CSMD3: variants seen among roughly 807,000 people sequenced by gnomAD.
CSMD3 encodes CUB and Sushi multiple domains 3, also known as CUB and sushi domain-containing protein 3.
CSMD3 carries 177 observed loss-of-function variants against 435.2 expected under a neutral mutation model. That is an observed-to-expected ratio of 0.41 (90% CI 0.36 to 0.46). CSMD3 has a LOEUF of 0.46. Ranked by LOEUF, CSMD3 falls within the 20% of genes least tolerant of loss-of-function variation. CSMD3 has a pLI of 0.34. For missense variants in CSMD3, 4,265 were observed against 4,504.6 expected (o/e 0.95, Z 1.52); for synonymous variants, 1,656 against 1,520.5 (o/e 1.09, Z -2.07).
At chr8:112,465,737 G>A (rs1817886710) in intron 32 of CSMD3, among the ~76,000 whole-genome samples, 1 of 152,094 alleles carries the variant, frequency 6.6e-6, no homozygotes, top group African/African-American at 2.4e-5. Flanking sequence ...CATGTTGGAA[G>A]GCCCAGGTGG....
rs531775109 is a variant in CSMD3 at position 112,395,078 on chromosome 8, G to T, written c.5810-4290C>A. Among the ~76,000 whole-genome samples the T allele has an allele frequency of 1.4e-4, 21 of 152,220 alleles. No individual in the cohort carries two copies. In the East Asian group the frequency reaches 3.7e-3, roughly 27 times the overall value. ...ATTTATTTATTTACCAACAAAATAT[G>T]CTATAGAAAAATTAGCAGATACGCA... On this transcript the variant is annotated intron_variant, in intron 35 of 70. Transcript: ENST00000297405.
At chr8:112,875,890 T>A (rs908416602) in intron 10 of CSMD3, among the ~76,000 whole-genome samples, 3 of 152,150 alleles carry the variant, frequency 2.0e-5, no homozygotes, top group Non-Finnish European at 4.4e-5. Flanking sequence ...AGGAGTTTGT[T>A]ATTGCCCACC....
At chr8:112,771,891 C>G (rs944704563) in intron 13 of CSMD3, among the ~76,000 whole-genome samples, 3 of 152,006 alleles carry the variant, frequency 2.0e-5, no homozygotes, top group African/African-American at 7.2e-5. Flanking sequence ...ATGGAAACGA[C>G]GCATTTCTGA....
In CSMD3 at chr8:112,223,842, C is replaced by T. The variant is rs995305511; in HGVS notation, c.*929G>A. On this transcript the variant is annotated 3_prime_UTR_variant, in exon 71 of 71. Coordinates refer to ENST00000297405, the MANE Select transcript of CSMD3 (RefSeq NM_198123.2). ...AGATTATTAGGACATTTTATTTGGT[C>T]GATCAAAAATATTGTAAAATAAAGG... 10 of 151,938 alleles carry T rather than the reference C, an allele frequency of 6.6e-5. No homozygotes were observed. Among genetic ancestry groups the T allele is most frequent in the East Asian group, 1.9e-4 (1 of 5,176 alleles). The allele number at this position is 151,938 out of a possible 1,614,324, so 9.4% of individuals were successfully genotyped here. A position where few individuals can be genotyped will look rare whatever the true frequency, so the allele number is the denominator to read the frequency against.
intron 13 of CSMD3, among the ~76,000 whole-genome samples, chr8:112,783,445 G>A (rs1306028929): frequency 1.1e-5 from 1 of 91,574 alleles, no homozygotes; most frequent in South Asian, 5.4e-4. Context: ...AAGGAAGGAA[G>A]GAAGGAAGGA....
At chr8:112,998,211 A>G (rs930980531) in intron 6 of CSMD3, among the ~76,000 whole-genome samples, 1 of 151,888 alleles carries the variant, frequency 6.6e-6, no homozygotes. Flanking sequence ...AATGAATATT[A>G]TTCAGTGAAC....
At chr8:112,432,223 G>T (rs571520881) in intron 32 of CSMD3, among the ~76,000 whole-genome samples, 1 of 152,258 alleles carries the variant, frequency 6.6e-6, no homozygotes, top group South Asian at 2.1e-4. Flanking sequence ...TCATGCCTAT[G>T]TCATGTTGTA....
intron 22 of CSMD3, among the ~76,000 whole-genome samples, chr8:112,606,496 A>T (rs1832804318): frequency 6.6e-6 from 1 of 152,198 alleles, no homozygotes; most frequent in African/African-American, 2.4e-5. Flanking sequence ...TCATCCAGGC[A>T]GATAATCAAC....
chr8:113,238,886 G>A (rs75701636), intron 3 of CSMD3, among the ~76,000 whole-genome samples: 4,328 of 152,102 alleles, frequency 0.028, 87 homozygotes, highest in Non-Finnish European at 0.04. Flanking sequence ...AACATGACTG[G>A]ACCATGGGAT....
chr8:112,601,775 C>T, intron 22 of CSMD3, among the ~76,000 whole-genome samples: 1 of 152,108 alleles, frequency 6.6e-6, no homozygotes, highest in South Asian at 2.1e-4. Context: ...TTTAGTTTTA[C>T]TTAGTTCAAT....
chr8:113,218,120 T>TATATA (rs1338132702), intron 3 of CSMD3, among the ~76,000 whole-genome samples: 1 of 139,494 alleles, frequency 7.2e-6, no homozygotes, highest in African/African-American at 2.7e-5. Context: ...ATATATATAT[T>TATATA]TTAATATTGG....
intron 12 of CSMD3, among the ~76,000 whole-genome samples, chr8:112,804,452 G>T (rs2079032075): frequency 6.6e-6 from 1 of 152,108 alleles, no homozygotes; most frequent in South Asian, 2.1e-4. Context: ...CATACTGCGA[G>T]AAGCCAGATG....
intron 3 of CSMD3, among the ~76,000 whole-genome samples, chr8:113,213,698 A>G (rs1258707047): frequency 3.3e-5 from 5 of 152,062 alleles, no homozygotes; most frequent in Non-Finnish European, 5.9e-5. Context: ...TAAAAAAACT[A>G]TTACAATGAT....
At chr8:112,405,503 A>G (rs2130001933) in intron 35 of CSMD3, among the ~76,000 whole-genome samples, 1 of 151,358 alleles carries the variant, frequency 6.6e-6, no homozygotes, top group South Asian at 2.1e-4. Flanking sequence ...CATTATAATT[A>G]CCCTGAAATA....
At chr8:112,810,921 G>A (rs2079208173) in intron 12 of CSMD3, among the ~76,000 whole-genome samples, 1 of 151,990 alleles carries the variant, frequency 6.6e-6, no homozygotes, top group Admixed American at 6.6e-5. Context: ...TTATTTGAAA[G>A]TATAAGCAAT....
At chr8:113,035,876 TATAA>T (rs1480977062) in intron 5 of CSMD3, among the ~76,000 whole-genome samples, 1 of 151,952 alleles carries the variant, frequency 6.6e-6, no homozygotes, top group African/African-American at 2.4e-5. Context: ...ACATGCAAAC[TATAA>T]ATATTCTAAA....
intron 7 of CSMD3, among the ~76,000 whole-genome samples, chr8:112,958,136 AT>A (rs1177734667): frequency 6.6e-6 from 1 of 152,096 alleles, no homozygotes; most frequent in Non-Finnish European, 1.5e-5. Context: ...GGAGGAAGTG[AT>A]TTTAAAAAAT....
At chr8:112,698,109 T>C (rs1586998855) in intron 13 of CSMD3, among the ~76,000 whole-genome samples, 1 of 151,802 alleles carries the variant, frequency 6.6e-6, no homozygotes, top group African/African-American at 2.4e-5. Flanking sequence ...GAAGTGAGGC[T>C]AAAAAGGCAG....
chr8:112,422,085 C>G (rs1812578518), intron 32 of CSMD3, among the ~76,000 whole-genome samples: 2 of 152,080 alleles, frequency 1.3e-5, no homozygotes, highest in African/African-American at 2.4e-5. Flanking sequence ...AGCATGGCAT[C>G]ATGGAGTGTA....
Sources: gnomAD v4.1 joint callset for allele counts (sites outside exome capture counted in the v4.1 genomes callset) on GRCh38, gnomAD v4.1.1 for gene constraint, MANE v1.5 for transcripts, NCBI Gene and HGNC (gene_info 2026-07-23, HGNC 2026-07-21) for gene names.